OPCML: variants seen among roughly 807,000 people sequenced by gnomAD.
OPCML encodes opioid binding protein/cell adhesion molecule like.
Under a neutral mutation model 37.8 loss-of-function variants are expected in OPCML, and 13 were observed. That is an observed-to-expected ratio of 0.34 (90% CI 0.22 to 0.55). The LOEUF (loss-of-function observed/expected upper bound fraction) is 0.55. OPCML is among the 20% of genes least tolerant of loss of function. The pLI is 0.91. For missense variants in OPCML, 341 were observed against 435.6 expected (o/e 0.78, Z 1.93); for synonymous variants, 176 against 168.8 (o/e 1.04, Z -0.33).
chr11:133,523,975 G>A (rs1379008043), intron 1 of OPCML, among the ~76,000 whole-genome samples: 4 of 152,202 alleles, frequency 2.6e-5, no homozygotes, highest in East Asian at 3.9e-4. Context: ...GTTTCATGTC[G>A]GTCATGATTT....
rs143821264 is a variant in OPCML, at chr11:133,327,713, C to T, written c.61+204551G>A. 3.9e-3 allele frequency among the ~76,000 whole-genome samples: 591 copies of T among 152,262 alleles called. 5 individuals are homozygous for T. Among genetic ancestry groups the T allele is most frequent in the African/African-American group, 0.014 (567 of 41,524 alleles). On this transcript the variant is annotated intron_variant, in intron 1 of 7. Transcript: ENST00000524381. The stretch of plus-strand genomic sequence containing the variant: ...CCAGATTCTCTGAGCAGCACTGAAG[C>T]CTCCACTTCCTTTGATAGGCAGAGA...
At chr11:132,867,630 A>G (rs1228980592) in intron 2 of OPCML, among the ~76,000 whole-genome samples, 3 of 152,184 alleles carry the variant, frequency 2.0e-5, no homozygotes, top group Non-Finnish European at 4.4e-5. Context: ...TGGGCTTTCA[A>G]GAAGCGGGGA....
intron 1 of OPCML, among the ~76,000 whole-genome samples, chr11:133,161,851 G>A (rs1281083810): frequency 6.6e-6 from 1 of 152,034 alleles, no homozygotes; most frequent in Non-Finnish European, 1.5e-5. Flanking sequence ...AGAAAACAAT[G>A]CTGAAAAACA....
chr11:132,794,305 G>C (rs1319414238), intron 2 of OPCML, among the ~76,000 whole-genome samples: 1 of 152,138 alleles, frequency 6.6e-6, no homozygotes, highest in East Asian at 1.9e-4. Flanking sequence ...GATAGAACAG[G>C]ATTTTGTGTA....
At chr11:132,449,325 T>C (rs1225088275) in intron 4 of OPCML, among the ~76,000 whole-genome samples, 1 of 152,164 alleles carries the variant, frequency 6.6e-6, no homozygotes, top group Non-Finnish European at 1.5e-5. Flanking sequence ...TTCATGTAGA[T>C]CTTGACAAGT....
intron 2 of OPCML, among the ~76,000 whole-genome samples, chr11:132,707,142 G>A (rs932692216): frequency 6.6e-6 from 1 of 152,164 alleles, no homozygotes; most frequent in Non-Finnish European, 1.5e-5. Context: ...GATCAAGGGG[G>A]TTTTGAGGAA....
At chr11:132,672,287 A>C (rs1017396248) in intron 2 of OPCML, among the ~76,000 whole-genome samples, 1 of 152,228 alleles carries the variant, frequency 6.6e-6, no homozygotes, top group African/African-American at 2.4e-5. Context: ...CTCCTGTCTC[A>C]GTTCATTATA....
intron 1 of OPCML, among the ~76,000 whole-genome samples, chr11:133,108,861 G>T (rs1949204764): frequency 6.6e-6 from 1 of 152,150 alleles, no homozygotes; most frequent in African/African-American, 2.4e-5. Flanking sequence ...ACACCAGACA[G>T]GGAAACGCAT....
chr11:132,791,229 A>G (rs1937886680), intron 2 of OPCML, among the ~76,000 whole-genome samples: 1 of 152,130 alleles, frequency 6.6e-6, no homozygotes, highest in South Asian at 2.1e-4. Flanking sequence ...GACTTGCCAC[A>G]TCTTCTTTTG....
intron 1 of OPCML, among the ~76,000 whole-genome samples, chr11:133,263,205 G>A (rs966623820): frequency 2.6e-5 from 4 of 151,886 alleles, no homozygotes; most frequent in Admixed American, 6.6e-5. Flanking sequence ...TCTATTGGAC[G>A]AACTGTTTGC....
chr11:132,682,210 G>T (rs1354781117), intron 2 of OPCML, among the ~76,000 whole-genome samples: 1 of 152,126 alleles, frequency 6.6e-6, no homozygotes. Context: ...GCTATGGGCT[G>T]GTAAGCAAGG....
At chr11:133,099,812 T>C (rs1227815815) in intron 1 of OPCML, among the ~76,000 whole-genome samples, 2 of 152,240 alleles carry the variant, frequency 1.3e-5, no homozygotes, top group Non-Finnish European at 2.9e-5. Flanking sequence ...AGATTCTGGA[T>C]ATCAGCCCTT....
intron 1 of OPCML, among the ~76,000 whole-genome samples, chr11:133,194,220 T>G (rs1007125940): frequency 3.4e-5 from 5 of 148,512 alleles, no homozygotes; most frequent in African/African-American, 1.2e-4. Context: ...TTTTTTTTTT[T>G]TTTTTTGAGA....
At chr11:132,446,299 A>C (rs754633718) in intron 4 of OPCML, among the ~76,000 whole-genome samples, 2 of 150,216 alleles carry the variant, frequency 1.3e-5, no homozygotes, top group Non-Finnish European at 2.9e-5. Flanking sequence ...TGTGTGCCAG[A>C]AAAGGAAGAG....
intron 2 of OPCML, among the ~76,000 whole-genome samples, chr11:132,851,941 T>C (rs1202515970): frequency 6.6e-6 from 1 of 152,168 alleles, no homozygotes; most frequent in Non-Finnish European, 1.5e-5. Context: ...TTTGGCACAT[T>C]GATTATTTTA....
chr11:132,452,827 C>A (rs574717203), intron 4 of OPCML, among the ~76,000 whole-genome samples: 1 of 152,182 alleles, frequency 6.6e-6, no homozygotes. Context: ...TTCTCACCAG[C>A]CAGACGGGCA....
intron 3 of OPCML, among the ~76,000 whole-genome samples, chr11:132,587,855 A>G (rs146154222): frequency 6.6e-6 from 1 of 152,134 alleles, no homozygotes; most frequent in African/African-American, 2.4e-5. Context: ...GGTGAAATGC[A>G]TCAGTACAGA....
chr11:133,148,214 G>T (rs749113414), intron 1 of OPCML, among the ~76,000 whole-genome samples: 1 of 152,130 alleles, frequency 6.6e-6, no homozygotes, highest in Non-Finnish European at 1.5e-5. Flanking sequence ...TGCTCCTCAC[G>T]AGGTAGCCTC....
intron 1 of OPCML, among the ~76,000 whole-genome samples, chr11:133,018,901 T>C (rs1323491772): frequency 1.3e-5 from 2 of 152,166 alleles, no homozygotes; most frequent in Non-Finnish European, 2.9e-5. Context: ...TGTGTGCCGC[T>C]CCCATGAGCC....
Sources: allele counts gnomAD v4.1 joint callset (sites outside exome capture counted in the v4.1 genomes callset), GRCh38; gene constraint gnomAD v4.1.1; transcripts MANE v1.5; gene names NCBI Gene and HGNC (gene_info 2026-07-23, HGNC 2026-07-21).